Variants in ATRNL1 observed in about 807,000 individuals in gnomAD.
ATRNL1 encodes the protein attractin like 1.
A neutral mutation model predicts 182.7 loss-of-function variants in ATRNL1; 95 were observed. That is an observed-to-expected ratio of 0.52 (90% CI 0.44 to 0.62). ATRNL1 has a LOEUF of 0.62. Among genes scored for constraint, ATRNL1 ranks in the 20% least tolerant of loss-of-function variants. The pLI, the probability that ATRNL1 is intolerant of heterozygous loss-of-function variation, is 0.00. For synonymous variants in ATRNL1, 576 were observed against 568.3 expected, an observed-to-expected ratio of 1.01 and a Z score of -0.19; for missense variants, 1,471 against 1,679.5, an observed-to-expected ratio of 0.88 and a Z score of 2.17.
intron 21 of ATRNL1, among the ~76,000 whole-genome samples, chr10:115,456,654 A>C (rs532959672): frequency 1.3e-5 from 2 of 152,160 alleles, no homozygotes; most frequent in African/African-American, 2.4e-5. Flanking sequence ...TAAATTTTTG[A>C]ATAGTAATAT....
chr10:115,186,120 A>G (rs1328010230), intron 8 of ATRNL1, among the ~76,000 whole-genome samples: 2 of 151,926 alleles, frequency 1.3e-5, no homozygotes, highest in African/African-American at 4.8e-5. Context: ...AATATCCAAA[A>G]TGTATAAACA....
chr10:115,339,896 G>T (rs1554937760), intron 19 of ATRNL1, among the ~76,000 whole-genome samples: 2 of 151,968 alleles, frequency 1.3e-5, no homozygotes, highest in East Asian at 3.9e-4. Flanking sequence ...ATTTTTTGAG[G>T]GTTTTTATCA....
chr10:115,160,264 C>T, intron 6 of ATRNL1, 50 bp downstream of exon 6: 9 of 1,486,250 alleles, frequency 6.1e-6, no homozygotes, highest in East Asian at 4.7e-5. Context: ...GGATTTTTAT[C>T]CAAAATGTCT....
At chr10:115,501,075 G>A (rs1849810753) in intron 24 of ATRNL1, among the ~76,000 whole-genome samples, 1 of 151,746 alleles carries the variant, frequency 6.6e-6, no homozygotes, top group African/African-American at 2.4e-5. Context: ...TGAGATTACA[G>A]GCACCCACCA....
At position 115,135,083 on chromosome 10, in the gene ATRNL1, C is replaced by T. The variant is rs868916389; in HGVS notation, c.829+5548C>T. On this transcript the variant is annotated intron_variant, in intron 5 of 28. Coordinates refer to ENST00000355044, the MANE Select transcript of ATRNL1 (RefSeq NM_207303.4). ...GACAAACCCACAGCCAATATCATAC[C>T]GAATGGGCAAAAACTGGAAGCATTC... 1.7e-3 allele frequency among the ~76,000 whole-genome samples: 258 copies of T among 151,960 alleles called. 1 individual carries two copies. The South Asian group carries it at 0.019, about 11-fold the overall frequency.
At position 115,519,010 on chromosome 10, in the gene ATRNL1, C is replaced by T. The variant is rs539129241; in HGVS notation, c.3655-253C>T. Among the ~76,000 whole-genome samples, 12 of 151,912 alleles carry T rather than the reference C, an allele frequency of 7.9e-5. No homozygotes were observed. In the South Asian group the frequency reaches 2.1e-3, roughly 26 times the overall value. The stretch of plus-strand genomic sequence containing the variant: ...ATAGTATTTCACATGAAACTCTTAG[C>T]GTGCATCCTTAAAGTAATTATATAA... On this transcript the variant is annotated intron_variant, in intron 24 of 28. Coordinates refer to ENST00000355044, the MANE Select transcript of ATRNL1 (RefSeq NM_207303.4).
chr10:115,754,230 G>A (rs2134128013), intron 27 of ATRNL1, among the ~76,000 whole-genome samples: 1 of 152,138 alleles, frequency 6.6e-6, no homozygotes, highest in South Asian at 2.1e-4. Context: ...TGGTGTTTTA[G>A]TCATGAAGTC....
chr10:115,486,290 T>A (rs1849019575), intron 24 of ATRNL1, among the ~76,000 whole-genome samples: 1 of 152,148 alleles, frequency 6.6e-6, no homozygotes, highest in African/African-American at 2.4e-5. Context: ...CAAATAGTAT[T>A]TCTAGTTGCA....
intron 26 of ATRNL1, among the ~76,000 whole-genome samples, chr10:115,586,747 C>G (rs1421052416): frequency 1.7e-5 from 2 of 120,042 alleles, no homozygotes; most frequent in African/African-American, 2.7e-5. Flanking sequence ...GCCTTCTTCT[C>G]TCAGCTCGTC....
intron 26 of ATRNL1, among the ~76,000 whole-genome samples, chr10:115,605,619 C>A (rs1012183745): frequency 2.6e-5 from 4 of 151,802 alleles, no homozygotes; most frequent in Non-Finnish European, 4.4e-5. Context: ...GGGAAATAAC[C>A]TCATTGTAAG....
chr10:115,462,098 A>G (rs1554969814), intron 22 of ATRNL1, 63 bp downstream of exon 22: 1 of 1,206,000 alleles, frequency 8.3e-7, no homozygotes, highest in Non-Finnish European at 1.2e-6. Context: ...TTCATATTTC[A>G]TTTGATTTTA....
chr10:115,553,441 A>G (rs929683410), intron 26 of ATRNL1, among the ~76,000 whole-genome samples: 1 of 151,410 alleles, frequency 6.6e-6, no homozygotes, highest in East Asian at 1.9e-4. Flanking sequence ...AAATATTTTA[A>G]TGTAGAACTT....
At position 115,498,176 on chromosome 10, in the gene ATRNL1, T is replaced by TA. The variant is rs571596484; in HGVS notation, c.3655-21083dup. 7.9e-5 allele frequency among the ~76,000 whole-genome samples: 12 copies of TA among 152,304 alleles called. No homozygotes were observed. In the South Asian group the frequency reaches 2.5e-3, roughly 32 times the overall value. ...GAAAATAATATTTTAAATACCATAGTAAAATATATGTCCGATATTTATTTT... is the reference window on the plus strand; with the variant it reads ...GAAAATAATATTTTAAATACCATAGTAAAAATATATGTCCGATATTTATTTT... On this transcript the variant is annotated intron_variant, in intron 24 of 28. Transcript: ENST00000355044.
chr10:115,382,039 T>C (rs1554951298), intron 19 of ATRNL1, among the ~76,000 whole-genome samples: 1 of 152,192 alleles, frequency 6.6e-6, no homozygotes, highest in East Asian at 1.9e-4. Flanking sequence ...GGACTTTCAA[T>C]TTTCTTCCAT....
intron 27 of ATRNL1, among the ~76,000 whole-genome samples, chr10:115,797,284 C>T (rs1214548961): frequency 2.0e-5 from 3 of 152,140 alleles, no homozygotes; most frequent in African/African-American, 7.2e-5. Flanking sequence ...GAAAAATAGG[C>T]CTTTAAAAGT....
At chr10:115,270,297 A>G (rs935893213) in intron 13 of ATRNL1, among the ~76,000 whole-genome samples, 13 of 145,328 alleles carry the variant, frequency 8.9e-5, no homozygotes, top group Admixed American at 2.8e-4. Flanking sequence ...ATTTGTTTAT[A>G]TATTTGTTTA....
At chr10:115,483,732 G>C (rs1044695871) in intron 24 of ATRNL1, among the ~76,000 whole-genome samples, 2 of 151,708 alleles carry the variant, frequency 1.3e-5, no homozygotes, top group Admixed American at 1.3e-4. Flanking sequence ...ATGCAAATGT[G>C]ATTAAATGTG....
At chr10:115,778,303 A>C (rs1310290422) in intron 27 of ATRNL1, among the ~76,000 whole-genome samples, 1 of 152,176 alleles carries the variant, frequency 6.6e-6, no homozygotes, top group South Asian at 2.1e-4. Context: ...GGCTAGTCGA[A>C]GCTTATGGCC....
chr10:115,136,969 A>G lies in ATRNL1; in HGVS notation c.829+7434A>G, dbSNP rs1176914889. On this transcript the variant is annotated intron_variant, in intron 5 of 28. Transcript: ENST00000355044. ...CTTCCAAACATTGGGATAGAAGAGC[A>G]ATTTTTATAACACATGAAAAGCAAG... 2.0e-5 allele frequency among the ~76,000 whole-genome samples: 3 copies of G among 152,214 alleles called. No individual in the cohort carries two copies. The East Asian group carries it at 5.8e-4, about 29-fold the overall frequency.
Sources: gnomAD v4.1 joint callset for allele counts (sites outside exome capture counted in the v4.1 genomes callset) on GRCh38, gnomAD v4.1.1 for gene constraint, MANE v1.5 for transcripts, NCBI Gene and HGNC (gene_info 2026-07-23, HGNC 2026-07-21) for gene names.